GALNTL6: variants seen among roughly 807,000 people sequenced by gnomAD.
GALNTL6 encodes polypeptide N-acetylgalactosaminyltransferase-like 6.
GALNTL6 carries 46 observed loss-of-function variants against 73.7 expected under a neutral mutation model. The ratio of observed to expected loss-of-function variants is 0.62; its 90% CI spans 0.49 to 0.80. GALNTL6 has a LOEUF of 0.80. GALNTL6 is among the 30% of genes least tolerant of loss of function. The probability of loss-of-function intolerance (pLI) is 0.00; values close to 1 mark genes in which losing one functional copy is unlikely to be tolerated. For synonymous variants in GALNTL6, 259 were observed against 263.7 expected, an observed-to-expected ratio of 0.98 and a Z score of 0.17; for missense variants, 604 against 755.0, an observed-to-expected ratio of 0.80 and a Z score of 2.34.
chr4:172,953,931 C>G (rs1026577660), intron 10 of GALNTL6, among the ~76,000 whole-genome samples: 13 of 152,190 alleles, frequency 8.5e-5, no homozygotes, highest in South Asian at 2.1e-4. Context: ...TTTTCTTAAT[C>G]CTAACGTGTT....
intron 5 of GALNTL6, among the ~76,000 whole-genome samples, chr4:172,457,315 A>G (rs1397299893): frequency 6.6e-6 from 1 of 152,222 alleles, no homozygotes; most frequent in African/African-American, 2.4e-5. Context: ...TAACGGGCAA[A>G]ATAACCAACT....
intron 3 of GALNTL6, among the ~76,000 whole-genome samples, chr4:172,239,200 G>A (rs1239823837): frequency 1.3e-5 from 2 of 152,136 alleles, no homozygotes; most frequent in African/African-American, 2.4e-5. Flanking sequence ...ATGTCTGGTC[G>A]AATTTGGCTG....
At chr4:172,564,991 T>C (rs1220890642) in intron 5 of GALNTL6, among the ~76,000 whole-genome samples, 1 of 152,246 alleles carries the variant, frequency 6.6e-6, no homozygotes, top group Non-Finnish European at 1.5e-5. Context: ...AATTTATTTA[T>C]CTTGGCTGGG....
At chr4:171,889,314 C>A (rs1736694402) in intron 2 of GALNTL6, among the ~76,000 whole-genome samples, 3 of 151,284 alleles carry the variant, frequency 2.0e-5, no homozygotes, top group African/African-American at 7.4e-5. Flanking sequence ...TGCTGATAAA[C>A]AAGTCATAGT....
chr4:172,799,128 A>G (rs1740455554), intron 5 of GALNTL6, among the ~76,000 whole-genome samples: 1 of 152,226 alleles, frequency 6.6e-6, no homozygotes, highest in Admixed American at 6.5e-5. Flanking sequence ...AAGGAAGGCT[A>G]AGAGCGGGCA....
chr4:172,469,559 A>G (rs975442435), intron 5 of GALNTL6, among the ~76,000 whole-genome samples: 1 of 152,194 alleles, frequency 6.6e-6, no homozygotes, highest in African/African-American at 2.4e-5. Context: ...CAGGATTTGG[A>G]GGCTGCAGTG....
chr4:172,096,822 T>C (rs1732370236), intron 2 of GALNTL6, among the ~76,000 whole-genome samples: 1 of 152,228 alleles, frequency 6.6e-6, no homozygotes, highest in South Asian at 2.1e-4. Flanking sequence ...TTTAGCTTCA[T>C]ATCCTAATTA....
intron 5 of GALNTL6, among the ~76,000 whole-genome samples, chr4:172,731,741 G>A (rs1167400118): frequency 1.3e-5 from 2 of 151,916 alleles, no homozygotes; most frequent in Non-Finnish European, 2.9e-5. Flanking sequence ...TTGGCATTTT[G>A]CATTTTTATT....
chr4:172,984,027 A>C (rs1751187957), intron 10 of GALNTL6, among the ~76,000 whole-genome samples: 1 of 152,154 alleles, frequency 6.6e-6, no homozygotes, highest in Non-Finnish European at 1.5e-5. Flanking sequence ...AATAAGTATC[A>C]AGCTCCCATG....
At position 172,831,157 on chromosome 4, in the gene GALNTL6, C is replaced by CA. The variant is rs60870698; in HGVS notation, c.923+17467dup. Among the ~76,000 whole-genome samples the CA allele has an allele frequency of 1.9e-3, 119 of 63,898 alleles. 3 individuals are homozygous for CA. Among genetic ancestry groups the CA allele is most frequent in the African/African-American group, 7.0e-3 (114 of 16,206 alleles). The allele number at this position is 63,898 out of a possible 152,430, so 41.9% of individuals were successfully genotyped here. A position where few individuals can be genotyped will look rare whatever the true frequency, so the allele number is the denominator to read the frequency against. ...TGGGTGACAGAATGAGACTCCCTCT[C>CA]AAAAAAAAAAAAAAAAAAAAAAAAA... On this transcript the variant is annotated intron_variant, in intron 7 of 12. Coordinates refer to ENST00000506823, the MANE Select transcript of GALNTL6 (RefSeq NM_001034845.3).
intron 5 of GALNTL6, among the ~76,000 whole-genome samples, chr4:172,628,431 T>G (rs935278458): frequency 2.0e-5 from 3 of 151,866 alleles, no homozygotes; most frequent in Admixed American, 2.0e-4. Flanking sequence ...TATCAAGTAT[T>G]TAAACTCTGC....
chr4:171,829,307 C>G (rs938716259), intron 2 of GALNTL6, among the ~76,000 whole-genome samples: 1 of 152,142 alleles, frequency 6.6e-6, no homozygotes, highest in African/African-American at 2.4e-5. Context: ...CCAGCTTGCT[C>G]TCAAGTTCAC....
chr4:172,830,465 A>C (rs1039086825), intron 7 of GALNTL6, among the ~76,000 whole-genome samples: 29 of 152,158 alleles, frequency 1.9e-4, no homozygotes, highest in Non-Finnish European at 3.4e-4. Context: ...CTGGTAAAAA[A>C]GTGAATTGTT....
rs146993065 is a variant in GALNTL6 at position 172,153,249 on chromosome 4, T to C, written c.139-76407T>C. Among the ~76,000 whole-genome samples the C allele has an allele frequency of 3.3e-5, 5 of 152,280 alleles. No individual in the cohort carries two copies. The East Asian group carries it at 9.7e-4, about 30-fold the overall frequency. On this transcript the variant is annotated intron_variant, in intron 2 of 12. Coordinates refer to ENST00000506823, the MANE Select transcript of GALNTL6 (RefSeq NM_001034845.3). ...TAGTAAAAGGGCTTACTGTTTTACC[T>C]CATTGCTTTTAAGAAGGCCTCTTAC...
At chr4:172,911,577 C>A (rs1408106193) in intron 8 of GALNTL6, among the ~76,000 whole-genome samples, 1 of 152,130 alleles carries the variant, frequency 6.6e-6, no homozygotes, top group Non-Finnish European at 1.5e-5. Flanking sequence ...TTAAAATATC[C>A]ATTTTAGTTC....
chr4:172,731,852 G>A (rs990066802), intron 5 of GALNTL6, among the ~76,000 whole-genome samples: 1 of 151,840 alleles, frequency 6.6e-6, no homozygotes, highest in Non-Finnish European at 1.5e-5. Context: ...AATTTTCCAG[G>A]GTTCATCTTG....
At chr4:172,253,260 A>C (rs990605599) in intron 3 of GALNTL6, among the ~76,000 whole-genome samples, 1 of 152,010 alleles carries the variant, frequency 6.6e-6, no homozygotes, top group East Asian at 1.9e-4. Flanking sequence ...TAGTGTGTTC[A>C]GAGAAAGCAT....
intron 2 of GALNTL6, among the ~76,000 whole-genome samples, chr4:172,076,283 T>A (rs767098362): frequency 5.3e-5 from 8 of 152,208 alleles, no homozygotes; most frequent in South Asian, 2.1e-4. Context: ...TTTCACAGAA[T>A]GCAATCTACA....
intron 5 of GALNTL6, among the ~76,000 whole-genome samples, chr4:172,515,330 T>C (rs575564644): frequency 1.3e-5 from 2 of 152,356 alleles, no homozygotes; most frequent in African/African-American, 4.8e-5. Flanking sequence ...TGACACTGGG[T>C]GAAGGATATC....
Sources: allele counts gnomAD v4.1 joint callset (sites outside exome capture counted in the v4.1 genomes callset), GRCh38; gene constraint gnomAD v4.1.1; transcripts MANE v1.5; gene names NCBI Gene and HGNC (gene_info 2026-07-23, HGNC 2026-07-21).